The following MSH3 variants were observed in gnomAD, a reference collection of about 807,000 sequenced individuals.
MSH3 encodes the protein mutS homolog 3, also known as DNA mismatch repair protein Msh3.
In MSH3, 106 loss-of-function variants were observed where a neutral mutation model predicts 123.3. That is an observed-to-expected ratio of 0.86 (90% confidence interval 0.73 to 1.01). The LOEUF (loss-of-function observed/expected upper bound fraction) is 1.01, where lower values mean the gene tolerates loss of function less well. Among genes scored for constraint, MSH3 ranks in the 50% least tolerant of loss-of-function variants. The pLI is 0.00. For missense variants in MSH3, 1,459 were observed against 1,347.6 expected (o/e 1.08, Z -1.29); for synonymous variants, 515 against 481.4 (o/e 1.07, Z -0.91).
chr5:80,853,438 G>A (rs1390912613), intron 20 of MSH3, among the ~76,000 whole-genome samples: 3 of 151,590 alleles, frequency 2.0e-5, no homozygotes, highest in East Asian at 3.9e-4. Flanking sequence ...GCATGCCACT[G>A]CACTCCAGCC....
chr5:80,670,341 T>A, intron 4 of MSH3, 32 bp downstream of exon 4: 1 of 1,591,190 alleles, frequency 6.3e-7, no homozygotes, highest in Non-Finnish European at 8.6e-7. Context: ...TATTTTATAT[T>A]TTTCTTGTCT....
At chr5:80,681,592 G>A (rs1385266498) in intron 8 of MSH3, among the ~76,000 whole-genome samples, 1 of 151,370 alleles carries the variant, frequency 6.6e-6, no homozygotes, top group Non-Finnish European at 1.5e-5. Context: ...ATGATTTCCT[G>A]TCTTTGATTT....
intron 19 of MSH3, among the ~76,000 whole-genome samples, chr5:80,810,662 A>G (rs1305936747): frequency 6.6e-6 from 1 of 152,154 alleles, no homozygotes; most frequent in Non-Finnish European, 1.5e-5. Flanking sequence ...TATGTATGTC[A>G]TTGTGCCAAA....
chr5:80,857,376 T>C (rs1164609190), intron 21 of MSH3, among the ~76,000 whole-genome samples: 2 of 152,194 alleles, frequency 1.3e-5, no homozygotes, highest in Non-Finnish European at 2.9e-5. Flanking sequence ...GTCTTTGGTT[T>C]TAGTATTAAG....
chr5:80,654,917 C>G lies in MSH3; in HGVS notation c.190C>G (p.Pro64Ala), dbSNP rs2405877. The change falls in exon 1 of 24, where the codon CCA (proline) becomes GCA (alanine). Residue 64 changes from proline (P) to alanine (A), a missense_variant. Physicochemically the swap from Pro to Ala is conservative, Grantham distance 27 (BLOSUM62 -1). Transcript: ENST00000265081. The part of the protein sequence containing the change: ...AAAAAAAAAP[P>A]APPAPAFPPQ... ...AGCGGCCGCAGCGGCCGCAGCGCCC[C>G]CAGCGCCCCCAGCTCCCGCCTTCCC... 8.1e-4 allele frequency: 1,167 copies of G among 1,439,412 alleles called. 11 individuals carry two copies. The highest frequency in any genetic ancestry group is 4.3e-3 in the Admixed American group (172 of 40,318). The allele number at this position is 1,439,412 out of a possible 1,614,324, so 89.2% of individuals were successfully genotyped here.
In MSH3 at chr5:80,797,357, A is replaced by G. The variant is rs58396802; in HGVS notation, c.2655+4513A>G. ...GATCAGTCACAGTTCTCTGGCACATAGCTGGCACCTAATCAGATTTAATAA... is the reference window on the plus strand; with the variant it reads ...GATCAGTCACAGTTCTCTGGCACATGGCTGGCACCTAATCAGATTTAATAA... On this transcript the variant is annotated intron_variant, in intron 19 of 23. Coordinates refer to ENST00000265081, the MANE Select transcript of MSH3 (RefSeq NM_002439.5). Among the ~76,000 whole-genome samples the G allele has an allele frequency of 4.9e-3, 750 of 152,350 alleles. 11 individuals are homozygous for G. Among genetic ancestry groups the G allele is most frequent in the African/African-American group, 0.016 (669 of 41,578 alleles).
At chr5:80,747,354 C>T (rs1743741106) in intron 12 of MSH3, among the ~76,000 whole-genome samples, 1 of 152,056 alleles carries the variant, frequency 6.6e-6, no homozygotes, top group Non-Finnish European at 1.5e-5. Context: ...GGCGCCGAAT[C>T]ATGTATCTCT....
At chr5:80,697,903 A>T (rs1750520638) in intron 8 of MSH3, among the ~76,000 whole-genome samples, 1 of 152,180 alleles carries the variant, frequency 6.6e-6, no homozygotes, top group Non-Finnish European at 1.5e-5. Flanking sequence ...TATATCAAAC[A>T]AATCGATGTT....
chr5:80,816,840 G>T (rs1323547019), intron 20 of MSH3, among the ~76,000 whole-genome samples: 1 of 152,196 alleles, frequency 6.6e-6, no homozygotes, highest in African/African-American at 2.4e-5. Context: ...GGTGAATGGT[G>T]ACATTTACTA....
chr5:80,861,496 C>T (rs1049673942), intron 21 of MSH3, among the ~76,000 whole-genome samples: 1 of 152,180 alleles, frequency 6.6e-6, no homozygotes, highest in Non-Finnish European at 1.5e-5. Context: ...GGTTAGGCTC[C>T]ACTTAAGTAG....
chr5:80,706,887 A>G (rs142664713), intron 8 of MSH3, among the ~76,000 whole-genome samples: 57 of 152,364 alleles, frequency 3.7e-4, no homozygotes, highest in African/African-American at 1.3e-3. Context: ...TGTAATTTAT[A>G]TGCAATAAAA....
At chr5:80,741,424 G>A (rs1382587911) in intron 10 of MSH3, 40 bp from the exon 11 acceptor site, 1 of 1,257,616 alleles carries the variant, frequency 8.0e-7, no homozygotes, top group Non-Finnish European at 1.2e-6. Context: ...ATTTCTTTAT[G>A]CACTTACATC....
chr5:80,834,479 T>C (rs1467095174), intron 20 of MSH3, among the ~76,000 whole-genome samples: 3 of 149,858 alleles, frequency 2.0e-5, no homozygotes, highest in African/African-American at 4.9e-5. Flanking sequence ...TTTTATGTTA[T>C]ATATATTTAT....
At chr5:80,716,748 A>G (rs925871155) in intron 8 of MSH3, among the ~76,000 whole-genome samples, 1 of 152,190 alleles carries the variant, frequency 6.6e-6, no homozygotes, top group Non-Finnish European at 1.5e-5. Flanking sequence ...AATATCTTCT[A>G]GCTATTTTGA....
chr5:80,726,500 T>C (rs1009006251), intron 9 of MSH3, among the ~76,000 whole-genome samples: 6 of 152,188 alleles, frequency 3.9e-5, no homozygotes, highest in African/African-American at 1.2e-4. Context: ...AAGGTCTCAC[T>C]CTGTCACCCA....
chr5:80,702,712 T>TA (rs1359321846), intron 8 of MSH3, among the ~76,000 whole-genome samples: 1,048 of 73,856 alleles, frequency 0.014, 12 homozygotes, highest in African/African-American at 0.057. Context: ...AATAATTTAT[T>TA]TAAAAAAAAA....
intron 10 of MSH3, among the ~76,000 whole-genome samples, chr5:80,732,886 A>G (rs886264437): frequency 6.6e-6 from 1 of 152,188 alleles, no homozygotes; most frequent in African/African-American, 2.4e-5. Context: ...TGACCTGACA[A>G]AGGACATTTA....
intron 2 of MSH3, among the ~76,000 whole-genome samples, chr5:80,662,602 G>A (rs1247440216): frequency 6.6e-6 from 1 of 152,028 alleles, no homozygotes; most frequent in Non-Finnish European, 1.5e-5. Context: ...GGAGGCAGGC[G>A]GATCACCTGA....
At chr5:80,797,250 C>A (rs1744714415) in intron 19 of MSH3, among the ~76,000 whole-genome samples, 1 of 152,126 alleles carries the variant, frequency 6.6e-6, no homozygotes, top group East Asian at 1.9e-4. Context: ...TATAATCATT[C>A]TTTTTTTATC....
Sources: gnomAD v4.1 joint callset for allele counts (sites outside exome capture counted in the v4.1 genomes callset) on GRCh38, gnomAD v4.1.1 for gene constraint, MANE v1.5 for transcripts, NCBI Gene and HGNC (gene_info 2026-07-23, HGNC 2026-07-21) for gene names.